The following SHISA9 variants were observed in gnomAD, a reference collection of about 807,000 sequenced individuals.
SHISA9 encodes protein shisa-9.
In SHISA9, 13 loss-of-function variants were observed where a neutral mutation model predicts 38.0. That is an observed-to-expected ratio of 0.34 (90% CI 0.22 to 0.54). The LOEUF is 0.54. SHISA9 is among the 20% of genes least tolerant of loss of function. The pLI is 0.91. For missense variants in SHISA9, 538 were observed against 575.8 expected, an observed-to-expected ratio of 0.93 and a Z score of 0.67; for synonymous variants, 275 against 242.0, an observed-to-expected ratio of 1.14 and a Z score of -1.27.
the SHISA9 span, among the ~76,000 whole-genome samples, chr16:13,516,352 A>C: frequency 6.6e-6 from 1 of 152,218 alleles, no homozygotes; most frequent in Non-Finnish European, 1.5e-5. Flanking sequence ...CATGTTTTTA[A>C]ATTTTTTTCC....
At chr16:13,035,860 A>G (rs776694222) in intron 2 of SHISA9, among the ~76,000 whole-genome samples, 12 of 152,338 alleles carry the variant, frequency 7.9e-5, no homozygotes, top group South Asian at 2.1e-4. Context: ...TTAACAGACA[A>G]TCCACCAAAG....
At chr16:13,329,534 T>C in the SHISA9 span, among the ~76,000 whole-genome samples, 1 of 152,144 alleles carries the variant, frequency 6.6e-6, no homozygotes, top group Non-Finnish European at 1.5e-5. Flanking sequence ...TTCTTCCCAC[T>C]CCTCTAATTT....
At chr16:13,223,627 C>T (rs1804668732) in intron 4 of SHISA9, among the ~76,000 whole-genome samples, 1 of 152,118 alleles carries the variant, frequency 6.6e-6, no homozygotes, top group African/African-American at 2.4e-5. Flanking sequence ...TCATTTGTAT[C>T]AGTCTGTTCT....
intron 2 of SHISA9, among the ~76,000 whole-genome samples, chr16:13,004,449 T>C (rs2072569510): frequency 6.6e-6 from 1 of 152,164 alleles, no homozygotes; most frequent in Non-Finnish European, 1.5e-5. Context: ...GTAAGGAGTT[T>C]TGATTTTATT....
the SHISA9 span, among the ~76,000 whole-genome samples, chr16:13,485,206 G>A: frequency 2.0e-5 from 3 of 150,142 alleles, no homozygotes; most frequent in South Asian, 2.1e-4. Context: ...CGCACCCCCC[G>A]ACAGGCCCTG....
At chr16:13,123,396 G>A (rs1269222776) in intron 2 of SHISA9, among the ~76,000 whole-genome samples, 4 of 152,244 alleles carry the variant, frequency 2.6e-5, no homozygotes, top group Admixed American at 6.5e-5. Flanking sequence ...TAATCCATTG[G>A]GAGTGGCTGC....
At chr16:13,452,728 A>C in the SHISA9 span, among the ~76,000 whole-genome samples, 1 of 151,620 alleles carries the variant, frequency 6.6e-6, no homozygotes, top group Non-Finnish European at 1.5e-5. Context: ...AACCTCTTCA[A>C]CCTCAGCTCT....
At chr16:13,366,982 CAAAAAAAAAAA>C in the SHISA9 span, among the ~76,000 whole-genome samples, 1 of 92,534 alleles carries the variant, frequency 1.1e-5, no homozygotes, top group Non-Finnish European at 2.2e-5. Context: ...GGCTCCATCT[CAAAAAAAAAAA>C]AAAAAAAAGA....
At chr16:12,970,390 T>TATATATATATAC (rs1567356985) in intron 2 of SHISA9, among the ~76,000 whole-genome samples, 134 of 9,114 alleles carry the variant, frequency 0.015, 3 homozygotes, top group Non-Finnish European at 0.026. Flanking sequence ...TACATATATG[T>TATATATATATAC]ATATATATAT....
the SHISA9 span, among the ~76,000 whole-genome samples, chr16:13,270,159 A>G: frequency 4.6e-5 from 7 of 152,140 alleles, no homozygotes; most frequent in Non-Finnish European, 1.0e-4. Flanking sequence ...CTTGGTGGAA[A>G]CTGCAGTTTG....
the SHISA9 span, among the ~76,000 whole-genome samples, chr16:13,266,506 G>T: frequency 2.0e-5 from 3 of 152,220 alleles, no homozygotes; most frequent in Non-Finnish European, 4.4e-5. Context: ...CTTTGATGAG[G>T]GCAATGTTGG....
intron 2 of SHISA9, among the ~76,000 whole-genome samples, chr16:13,115,794 C>A (rs955948697): frequency 1.3e-5 from 2 of 152,332 alleles, no homozygotes; most frequent in Admixed American, 6.5e-5. Context: ...TGACTAGTAG[C>A]TTACCTGCAG....
chr16:13,468,782 G>A, the SHISA9 span, among the ~76,000 whole-genome samples: 66 of 152,118 alleles, frequency 4.3e-4, no homozygotes, highest in Middle Eastern at 3.4e-3. Context: ...TTTGAGACCA[G>A]CCTGAGAAAC....
chr16:13,157,968 C>T (rs2050561970), intron 2 of SHISA9, among the ~76,000 whole-genome samples: 1 of 152,178 alleles, frequency 6.6e-6, no homozygotes, highest in African/African-American at 2.4e-5. Context: ...GCCCCTCTAA[C>T]ATGGGCTCCT....
chr16:13,472,243 T>C, the SHISA9 span, among the ~76,000 whole-genome samples: 4 of 152,290 alleles, frequency 2.6e-5, no homozygotes, highest in South Asian at 8.3e-4. Flanking sequence ...CTAAACTAGC[T>C]CTGAAATTTT....
chr16:13,089,053 T>G (rs2073744870), intron 2 of SHISA9, among the ~76,000 whole-genome samples: 1 of 152,246 alleles, frequency 6.6e-6, no homozygotes, highest in African/African-American at 2.4e-5. Flanking sequence ...CTTTTCTGCA[T>G]TTGTTAAGAT....
chr16:13,071,579 CCCTTCCTT>C (rs766277143), intron 2 of SHISA9, among the ~76,000 whole-genome samples: 3 of 113,520 alleles, frequency 2.6e-5, no homozygotes, highest in South Asian at 2.4e-4. Flanking sequence ...CTCCCTTCCT[CCCTTCCTT>C]CCTTCCTTCC....
chr16:13,524,028 C>T, the SHISA9 span, among the ~76,000 whole-genome samples: 1 of 152,118 alleles, frequency 6.6e-6, no homozygotes, highest in Non-Finnish European at 1.5e-5. Context: ...GTCACACAGT[C>T]GAGAAATGGT....
At chr16:12,975,450 C>T (rs1459945735) in intron 2 of SHISA9, among the ~76,000 whole-genome samples, 1 of 151,996 alleles carries the variant, frequency 6.6e-6, no homozygotes, top group Non-Finnish European at 1.5e-5. Flanking sequence ...TTGCAGTGAG[C>T]TGAGATTGCG....
Sources: gnomAD v4.1 joint callset for allele counts (sites outside exome capture counted in the v4.1 genomes callset) on GRCh38, gnomAD v4.1.1 for gene constraint, MANE v1.5 for transcripts, NCBI Gene and HGNC (gene_info 2026-07-23, HGNC 2026-07-21) for gene names.